KMT2A: variants seen among roughly 807,000 people sequenced by gnomAD.
The protein encoded by KMT2A is histone-lysine N-methyltransferase 2A.
In KMT2A, 16 loss-of-function variants were observed where a neutral mutation model predicts 345.3. The observed-to-expected ratio is 0.05, with a 90% confidence interval of 0.03 to 0.07. The LOEUF is 0.07. Ranked by LOEUF, KMT2A falls within the 10% of genes least tolerant of loss-of-function variation. The pLI is 1.00. For synonymous variants in KMT2A, 1,599 were observed against 1,778.6 expected, an observed-to-expected ratio of 0.90 and a Z score of 2.54; for missense variants, 3,272 against 4,841.6, an observed-to-expected ratio of 0.68 and a Z score of 9.62.
intron 32 of KMT2A, 72 bp downstream of exon 32, chr11:118,519,864 A>G: frequency 6.4e-7 from 1 of 1,566,010 alleles, no homozygotes; most frequent in South Asian, 1.1e-5. Flanking sequence ...TCATCTTCCC[A>G]CATACCCTTT....
rs1555055708 is a variant in KMT2A, at chr11:118,526,553, G to A, written c.*4381G>A. 1 of 225,856 alleles carries A rather than the reference G, an allele frequency of 4.4e-6. No individual in the cohort carries two copies. The highest frequency in any genetic ancestry group is 5.8e-5 in the Admixed American group (1 of 17,286). 14.0% of individuals were successfully genotyped at this position (225,856 alleles called of 1,614,324 possible). A position where few individuals can be genotyped will look rare whatever the true frequency, so the allele number is the denominator to read the frequency against. ...TATAACAGATCTGTTTTTTTTCCTT[G>A]TGTTCTTCCAAGCTTCTGGTTAGAG... On this transcript the variant is annotated 3_prime_UTR_variant, in exon 36 of 36. Transcript: ENST00000534358.
chr11:118,509,076 GT>G (rs1555049352), intron 28 of KMT2A, 59 bp from the exon 29 acceptor site: 18 of 1,491,024 alleles, frequency 1.2e-5, no homozygotes, highest in Non-Finnish European at 1.6e-5. Context: ...AAAATTCTGG[GT>G]TTTTTCTTTG....
At chr11:118,478,754 A>G (rs1555038346) in intron 5 of KMT2A, among the ~76,000 whole-genome samples, 1 of 152,154 alleles carries the variant, frequency 6.6e-6, no homozygotes, top group African/African-American at 2.4e-5. Context: ...ATGTTCATGC[A>G]TATGGAATTT....
Position 118,481,914 on chromosome 11 carries a change from C to T in KMT2A, c.3834C>T (p.Ala1278=). ...EEKSEEGNVS[A]PGPESKQATT... is the part of the protein sequence containing the mutation. The stretch of plus-strand genomic sequence containing the variant: ...AGAGTGAAGAAGGGAATGTCTCGGC[C>T]CCTGGGCCTGAATCCAAACAGGCCA... The change falls in exon 7 of 36, where the codon GCC becomes GCT. Residue 1278 remains alanine, a synonymous_variant. Transcript: ENST00000534358. 6.2e-7 allele frequency: 1 copy of T among 1,614,168 alleles called. No individual in the cohort carries two copies. The highest frequency in any genetic ancestry group is 1.3e-5 in the African/African-American group (1 of 75,030).
Position 118,471,755 on chromosome 11 carries a change from T to G in KMT2A, c.596T>G (p.Leu199Arg). The G allele has an allele frequency of 6.2e-7, 1 of 1,613,548 alleles. No individual in the cohort carries two copies. Among genetic ancestry groups the G allele is most frequent in the Non-Finnish European group, 8.5e-7 (1 of 1,179,816 alleles). ...ILSDPSVFSP[L>R]NKSETKSGDK... ...TCAGATCCATCTGTGTTTTCCCCTCTAAATAAATCAGAGACCAAATCTGGA... is the reference window on the plus strand; with the variant it reads ...TCAGATCCATCTGTGTTTTCCCCTCGAAATAAATCAGAGACCAAATCTGGA... The change falls in exon 3 of 36, where the codon CTA (leucine) becomes CGA (arginine). Residue 199 changes from leucine (L) to arginine (R), a missense_variant. By Grantham distance (102) the Leu-to-Arg change is moderately radical (BLOSUM62 -2). This residue lies in a region of KMT2A where 412 missense variants were observed against 511.0 expected (regional missense o/e 0.81). Transcript: ENST00000534358.
At position 118,494,464 on chromosome 11, in the gene KMT2A, G is replaced by C; in HGVS notation, c.5289+66G>C. On this transcript the variant is annotated intron_variant, in intron 17 of 35. Transcript: ENST00000534358. The surrounding 1 kb of genome is among the most constrained non-coding windows in gnomAD (Gnocchi z 5.8). ...TAAGTAATTACCCTGTGAATACAAT[G>C]AACTTGTTCTCTTCTACTTTTTGCT... 2 of 932,480 alleles carry C rather than the reference G, an allele frequency of 2.1e-6. No homozygotes were observed. The highest frequency in any genetic ancestry group is 3.4e-6 in the Non-Finnish European group (2 of 581,394). The allele number at this position is 932,480 out of a possible 1,614,324, so 57.8% of individuals were successfully genotyped here.
intron 10 of KMT2A, among the ~76,000 whole-genome samples, chr11:118,486,770 C>T (rs1555041004): frequency 6.6e-6 from 1 of 152,040 alleles, no homozygotes; most frequent in Non-Finnish European, 1.5e-5. Flanking sequence ...CTACTCTAGT[C>T]CCAGCTACTT....
At chr11:118,508,720 CAAA>C (rs35633621) in intron 28 of KMT2A, among the ~76,000 whole-genome samples, 12 of 93,346 alleles carry the variant, frequency 1.3e-4, no homozygotes, top group Non-Finnish European at 9.3e-5. Context: ...GAACCTATCT[CAAA>C]AAAAAAAAAA....
chr11:118,444,527 T>C (rs1307204909), intron 1 of KMT2A, among the ~76,000 whole-genome samples: 1 of 152,254 alleles, frequency 6.6e-6, no homozygotes, highest in Non-Finnish European at 1.5e-5. Flanking sequence ...GGATTTAAAC[T>C]GCCTGAGTTC....
chr11:118,492,429 C>T (rs1555042776), intron 15 of KMT2A, among the ~76,000 whole-genome samples: 1 of 152,246 alleles, frequency 6.6e-6, no homozygotes, highest in Admixed American at 6.5e-5. Context: ...CCTGTAATCC[C>T]AGCACTTCGG....
chr11:118,501,393 AG>A (rs1950498061), intron 25 of KMT2A, among the ~76,000 whole-genome samples: 1 of 151,964 alleles, frequency 6.6e-6, no homozygotes, highest in South Asian at 2.1e-4. Context: ...CACTTGAACC[AG>A]GGAGGCAGAT....
At position 118,490,094 on chromosome 11, in the gene KMT2A, G is replaced by T; in HGVS notation, c.4576-35G>T. 2.5e-6 allele frequency: 4 copies of T among 1,588,632 alleles called. No homozygotes were observed. Among genetic ancestry groups the T allele is most frequent in the South Asian group, 1.2e-5 (1 of 86,148 alleles). On this transcript the variant is annotated intron_variant, in intron 12 of 35. Transcript: ENST00000534358. This position sits in a 1 kb window ranked among gnomAD's most constrained non-coding sequence, Gnocchi z 4.2. ...AGTTAAGTAAAGATATTAAAAACAA[G>T]AAATTCCTATTGAATTTCTTTTCTT...
intron 6 of KMT2A, among the ~76,000 whole-genome samples, chr11:118,480,914 G>T (rs1366111719): frequency 6.6e-6 from 1 of 151,934 alleles, no homozygotes; most frequent in Non-Finnish European, 1.5e-5. Context: ...CAATCCTCTC[G>T]CCTTGGCCTC....
intron 3 of KMT2A, 29 bp downstream of exon 3, chr11:118,474,344 C>A: frequency 6.3e-7 from 1 of 1,599,884 alleles, no homozygotes; most frequent in South Asian, 1.1e-5. Context: ...CCTATTAAAA[C>A]TAACAGTTTA....
chr11:118,489,878 G>A lies in KMT2A; in HGVS notation c.4566G>A (p.Lys1522=). ...PNYPTKPTKK[K]KVWICTKCVR... The stretch of plus-strand genomic sequence containing the variant: ...ACCCCACCAAACCCACAAAGAAGAA[G>A]AAAGTCTGGGTGAGTTATACACATG... Residue 1522 remains lysine (K), a synonymous_variant, in exon 12 of 36, where the codon AAG becomes AAA. Coordinates refer to ENST00000534358, the MANE Select transcript of KMT2A (RefSeq NM_001197104.2). The A allele has an allele frequency of 6.2e-7, 1 of 1,613,990 alleles. No individual in the cohort carries two copies. The highest frequency in any genetic ancestry group is 8.5e-7 in the Non-Finnish European group (1 of 1,179,854).
Position 118,494,833 on chromosome 11 carries a change from C to G in KMT2A, c.5363+66C>G. ...TAGAAATCTGAGAGTTCTCATATTTCTAGATTGCAGTTTTCCAAAAGGTTT... is the reference window on the plus strand; with the variant it reads ...TAGAAATCTGAGAGTTCTCATATTTGTAGATTGCAGTTTTCCAAAAGGTTT... On this transcript the variant is annotated intron_variant, in intron 18 of 35. Transcript: ENST00000534358. This position sits in a 1 kb window ranked among gnomAD's most constrained non-coding sequence, Gnocchi z 5.8. 7.7e-7 allele frequency: 1 copy of G among 1,300,710 alleles called. No homozygotes were observed. The highest frequency in any genetic ancestry group is 1.1e-6 in the Non-Finnish European group (1 of 905,954). The allele number at this position is 1,300,710 out of a possible 1,614,324, so 80.6% of individuals were successfully genotyped here. A position where few individuals can be genotyped will look rare whatever the true frequency, so the allele number is the denominator to read the frequency against.
In KMT2A at chr11:118,521,803, C is replaced by T. The variant is rs991179006; in HGVS notation, c.11644-94C>T. 3.0e-5 allele frequency: 39 copies of T among 1,317,996 alleles called. No homozygotes were observed. Among genetic ancestry groups the T allele is most frequent in the East Asian group, 2.6e-4 (11 of 42,382 alleles). The allele number at this position is 1,317,996 out of a possible 1,614,324, so 81.6% of individuals were successfully genotyped here. ...TTTTACTAGAAGAAACTTTCTCAGC[C>T]GCTATAGGTAACATCAAGAGAAGAT... On this transcript the variant is annotated intron_variant, in intron 35 of 35. Transcript: ENST00000534358. The surrounding 1 kb of genome is among the most constrained non-coding windows in gnomAD (Gnocchi z 5.3).
intron 1 of KMT2A, chr11:118,448,126 G>A (rs1325361466): frequency 6.6e-6 from 1 of 152,430 alleles, no homozygotes; most frequent in East Asian, 1.9e-4. Context: ...TTTTGTAGTG[G>A]CTTTATAGGA....
chr11:118,440,290 A>G lies in KMT2A; in HGVS notation c.432+3346A>G, dbSNP rs1050748470. ...GGTTCCTAACTTCCTTTGTATGACA[A>G]TTAGGAAGTAGAATTGAGGTTTTGT... On this transcript the variant is annotated intron_variant, in intron 1 of 35. Transcript: ENST00000534358. 2.8e-4 allele frequency among the ~76,000 whole-genome samples: 42 copies of G among 152,192 alleles called. 1 individual carries two copies. The highest frequency in any genetic ancestry group is 1.0e-4 in the Non-Finnish European group (7 of 68,022).
Sources: allele counts gnomAD v4.1 joint callset (sites outside exome capture counted in the v4.1 genomes callset), GRCh38; gene constraint gnomAD v4.1.1; regional missense constraint gnomAD v4.1.1; non-coding constraint Gnocchi (gnomAD v3.1); transcripts MANE v1.5; gene names NCBI Gene and HGNC (gene_info 2026-07-23, HGNC 2026-07-21).